The following OR4D11 variants were observed in gnomAD, a reference collection of about 807,000 sequenced individuals.
OR4D11 encodes olfactory receptor family 4 subfamily D member 11.
OR4D11 carries 11 observed loss-of-function variants against 11.7 expected under a neutral mutation model. The observed-to-expected ratio is 0.94, with a 90% confidence interval of 0.59 to 1.56. The LOEUF is 1.56. OR4D11 is among the 40% of genes most tolerant of loss of function. The probability of loss-of-function intolerance (pLI) is 0.00; values close to 1 mark genes in which losing one functional copy is unlikely to be tolerated. For missense variants in OR4D11, 384 were observed against 373.9 expected (o/e 1.03, Z -0.22); for synonymous variants, 165 against 150.0 (o/e 1.10, Z -0.73).
rs2134577908 is a variant in OR4D11 at position 59,504,248 on chromosome 11, C to T, written c.673C>T (p.Leu225=). The T allele has an allele frequency of 1.9e-6, 3 of 1,614,204 alleles. No homozygotes were observed. The highest frequency in any genetic ancestry group is 2.5e-6 in the Non-Finnish European group (3 of 1,180,036). Residue 225 remains leucine, a synonymous_variant, in exon 1 of 1, where the codon CTG becomes TTG. Coordinates refer to ENST00000313253, the MANE Select transcript of OR4D11 (RefSeq NM_001004706.1). Reference sequence around the variant, plus strand: ...GTCCTACACAGTCATCCTAATGACGCTGAGGTCTCAGGCAGGAGGGGGCAG... The same window carrying T: ...GTCCTACACAGTCATCCTAATGACGTTGAGGTCTCAGGCAGGAGGGGGCAG... ...LVSYTVILMT[L]RSQAGGGRRK... is the part of the protein sequence containing the mutation.
In OR4D11 at chr11:59,504,067, G is replaced by T; in HGVS notation, c.492G>T (p.Leu164=). 1 of 1,613,810 alleles carries T rather than the reference G, an allele frequency of 6.2e-7. No homozygotes were observed. Among genetic ancestry groups the T allele is most frequent in the South Asian group, 1.1e-5 (1 of 91,042 alleles). ...VHSIVQISLL[L]PLPFCGPNVL... ...CCATCGTGCAGATCTCCCTGTTGCTGCCTCTCCCTTTCTGTGGACCCAATG... is the reference window on the plus strand; with the variant it reads ...CCATCGTGCAGATCTCCCTGTTGCTTCCTCTCCCTTTCTGTGGACCCAATG... The change falls in exon 1 of 1, where the codon CTG becomes CTT. Residue 164 remains leucine, a synonymous_variant. Coordinates refer to ENST00000313253, the MANE Select transcript of OR4D11 (RefSeq NM_001004706.1).
chr11:59,504,317 A>G lies in OR4D11; in HGVS notation c.742A>G (p.Thr248Ala), dbSNP rs748622484. The G allele has an allele frequency of 1.2e-5, 19 of 1,613,864 alleles. No individual in the cohort carries two copies. The highest frequency in any genetic ancestry group is 1.5e-5 in the Non-Finnish European group (18 of 1,179,966). The change falls in exon 1 of 1, where the codon ACC becomes GCC. Residue 248 changes from threonine to alanine, a missense_variant. By Grantham distance (58) the Thr-to-Ala change is moderately conservative (BLOSUM62 0). Coordinates refer to ENST00000313253, the MANE Select transcript of OR4D11 (RefSeq NM_001004706.1). ...STCTSHITVV[T>A]LHFVPCIYVY... ...TTGCACCTCCCACATCACTGTGGTG[A>G]CCCTGCATTTTGTGCCCTGCATCTA...
Position 59,503,746 on chromosome 11 carries a change from C to T in OR4D11, c.171C>T (p.Thr57=). The T allele has an allele frequency of 1.2e-6, 2 of 1,613,862 alleles. No homozygotes were observed. Among genetic ancestry groups the T allele is most frequent in the South Asian group, 2.2e-5 (2 of 91,044 alleles). Residue 57 remains threonine, a synonymous_variant, in exon 1 of 1, where the codon ACC becomes ACT. Coordinates refer to ENST00000313253, the MANE Select transcript of OR4D11 (RefSeq NM_001004706.1). ...VTVTCESRLH[T]PMYFLLRNLA... is the part of the protein sequence containing the mutation. ...TGACCTGTGAGTCTCGCCTTCACAC[C>T]CCCATGTACTTCCTGCTCCGCAATC... is the stretch of plus-strand genomic sequence containing the variant.
Position 59,503,620 on chromosome 11 carries a change from G to T in OR4D11, c.45G>T (p.Leu15=). 1 of 1,559,872 alleles carries T rather than the reference G, an allele frequency of 6.4e-7. No individual in the cohort carries two copies. Among genetic ancestry groups the T allele is most frequent in the African/African-American group, 1.4e-5 (1 of 73,190 alleles). Residue 15 remains leucine, a synonymous_variant, in exon 1 of 1, where the codon CTG becomes CTT. Transcript: ENST00000313253. ...NVTRVKEFIF[L]GLTQSQDQSL... ...CCAGAGTAAAAGAATTTATATTTCT[G>T]GGACTTACTCAATCCCAAGACCAGA...
chr11:59,504,101 A>G lies in OR4D11; in HGVS notation c.526A>G (p.Thr176Ala). 1 of 1,614,162 alleles carries G rather than the reference A, an allele frequency of 6.2e-7. No individual in the cohort carries two copies. The highest frequency in any genetic ancestry group is 1.3e-5 in the African/African-American group (1 of 75,032). Residue 176 changes from threonine (T) to alanine (A), a missense_variant, in exon 1 of 1, where the codon ACT becomes GCT. Coordinates refer to ENST00000313253, the MANE Select transcript of OR4D11 (RefSeq NM_001004706.1). ...TTTCTGTGGACCCAATGTTCTTGAC[A>G]CTTTCTACTGCGATGTCCCCCAGGT... Reference protein sequence around the residue: ...LPFCGPNVLDTFYCDVPQVLK... With the variant: ...LPFCGPNVLDAFYCDVPQVLK...
At position 59,503,890 on chromosome 11, in the gene OR4D11, C is replaced by A. The variant is rs756333624; in HGVS notation, c.315C>A (p.His105Gln). The A allele has an allele frequency of 1.2e-6, 2 of 1,613,950 alleles. No individual in the cohort carries two copies. Among genetic ancestry groups the A allele is most frequent in the East Asian group, 2.2e-5 (1 of 44,878 alleles). ...GCATGACACAGATATTTCTCTTCCA[C>A]CTCCTTGGTGGGGCAGACATTTTTT... ...TSCMTQIFLF[H>Q]LLGGADIFSL... The change falls in exon 1 of 1, where the codon CAC (histidine) becomes CAA (glutamine). Residue 105 changes from histidine to glutamine, a missense_variant. By Grantham distance (24) the His-to-Gln change is conservative. Coordinates refer to ENST00000313253, the MANE Select transcript of OR4D11 (RefSeq NM_001004706.1).
chr11:59,503,671 T>C lies in OR4D11; in HGVS notation c.96T>C (p.Cys32=), dbSNP rs2134577161. ...GTTTGGTCTTGTTTCTTTTTTTATG[T>C]CTTGTGTACATGACGACTCTGCTGG... ...DQSLVLFLFL[C]LVYMTTLLGN... The change falls in exon 1 of 1, where the codon TGT becomes TGC. Residue 32 remains cysteine, a synonymous_variant. Coordinates refer to ENST00000313253, the MANE Select transcript of OR4D11 (RefSeq NM_001004706.1). 1 of 1,602,516 alleles carries C rather than the reference T, an allele frequency of 6.2e-7. No homozygotes were observed. Among genetic ancestry groups the C allele is most frequent in the Non-Finnish European group, 8.6e-7 (1 of 1,169,532 alleles).
In OR4D11 at chr11:59,504,219, T is replaced by C. The variant is rs776849590; in HGVS notation, c.644T>C (p.Leu215Pro). 3.1e-6 allele frequency: 5 copies of C among 1,614,212 alleles called. No individual in the cohort carries two copies. The highest frequency in any genetic ancestry group is 4.2e-6 in the Non-Finnish European group (5 of 1,180,032). ...ACTACCCTGTGGTTTATCTTCCTGC[T>C]TGTGTCCTACACAGTCATCCTAATG... ...LVTTLWFIFL[L>P]VSYTVILMTL... The change falls in exon 1 of 1, where the codon CTT becomes CCT. Residue 215 changes from leucine to proline, a missense_variant. Transcript: ENST00000313253.
In OR4D11 at chr11:59,504,122, C is replaced by T. The variant is rs758509200; in HGVS notation, c.547C>T (p.Gln183Ter). ...TGACACTTTCTACTGCGATGTCCCC[C>T]AGGTCCTCAAACTCACTTGCACTGA... ...VLDTFYCDVP[Q>*]VLKLTCTDTF... Residue 183 changes from glutamine to a stop codon, truncating the protein, a stop_gained, in exon 1 of 1, where the codon CAG (glutamine) becomes TAG (stop). Coordinates refer to ENST00000313253, the MANE Select transcript of OR4D11 (RefSeq NM_001004706.1). LOFTEE classifies it high-confidence loss of function. The T allele has an allele frequency of 1.2e-6, 2 of 1,614,182 alleles. No homozygotes were observed. Among genetic ancestry groups the T allele is most frequent in the Non-Finnish European group, 1.7e-6 (2 of 1,180,032 alleles).
At position 59,504,204 on chromosome 11, in the gene OR4D11, G is replaced by T. The variant is rs1368371778; in HGVS notation, c.629G>T (p.Trp210Leu). 1 of 1,614,150 alleles carries T rather than the reference G, an allele frequency of 6.2e-7. No homozygotes were observed. The highest frequency in any genetic ancestry group is 8.5e-7 in the Non-Finnish European group (1 of 1,180,028). The change falls in exon 1 of 1, where the codon TGG becomes TTG. Residue 210 changes from tryptophan to leucine, a missense_variant. Physicochemically the swap from Trp to Leu is moderately conservative, Grantham distance 61 (BLOSUM62 -2). Coordinates refer to ENST00000313253, the MANE Select transcript of OR4D11 (RefSeq NM_001004706.1). ...AACAATGGCCTGGTCACTACCCTGT[G>T]GTTTATCTTCCTGCTTGTGTCCTAC... ...ISNNGLVTTL[W>L]FIFLLVSYTV...
chr11:59,504,461 T>C lies in OR4D11; in HGVS notation c.886T>C (p.Ser296Pro), dbSNP rs1183836503. 6.2e-7 allele frequency: 1 copy of C among 1,614,004 alleles called. No individual in the cohort carries two copies. Among genetic ancestry groups the C allele is most frequent in the African/African-American group, 1.3e-5 (1 of 74,920 alleles). ...IYTLRNQEMK[S>P]AMRRLKRRLV... ...CACTCTGAGGAACCAGGAAATGAAG[T>C]CAGCCATGAGAAGACTGAAGAGAAG... is the stretch of plus-strand genomic sequence containing the variant. The change falls in exon 1 of 1, where the codon TCA becomes CCA. Residue 296 changes from serine (S) to proline (P), a missense_variant. Transcript: ENST00000313253.
chr11:59,504,319 C>A lies in OR4D11; in HGVS notation c.744C>A (p.Thr248=), dbSNP rs770133797. Reference sequence around the variant, plus strand: ...GCACCTCCCACATCACTGTGGTGACCCTGCATTTTGTGCCCTGCATCTATG... The same window carrying A: ...GCACCTCCCACATCACTGTGGTGACACTGCATTTTGTGCCCTGCATCTATG... ...STCTSHITVV[T]LHFVPCIYVY... The change falls in exon 1 of 1, where the codon ACC becomes ACA. Residue 248 remains threonine, a synonymous_variant. Transcript: ENST00000313253. The A allele has an allele frequency of 3.7e-6, 6 of 1,613,946 alleles. No individual in the cohort carries two copies. Among genetic ancestry groups the A allele is most frequent in the African/African-American group, 2.7e-5 (2 of 74,882 alleles).
In OR4D11 at chr11:59,504,474, G is replaced by A. The variant is rs150795777; in HGVS notation, c.899G>A (p.Arg300Lys). ...CAGGAAATGAAGTCAGCCATGAGAA[G>A]ACTGAAGAGAAGACTCGTGCCTTCT... is the stretch of plus-strand genomic sequence containing the variant. ...RNQEMKSAMR[R>K]LKRRLVPSER... Residue 300 changes from arginine (R) to lysine (K), a missense_variant, in exon 1 of 1, where the codon AGA becomes AAA. Arg to Lys is a conservative substitution (Grantham distance 26). Coordinates refer to ENST00000313253, the MANE Select transcript of OR4D11 (RefSeq NM_001004706.1). 4.6e-5 allele frequency: 74 copies of A among 1,614,030 alleles called. No individual in the cohort carries two copies. The African/African-American group carries it at 9.1e-4, about 20-fold the overall frequency.
Position 59,504,061 on chromosome 11 carries a change from G to C in OR4D11, c.486G>C (p.Leu162=), listed in dbSNP as rs758400536. ...TCCACTCCATCGTGCAGATCTCCCTGTTGCTGCCTCTCCCTTTCTGTGGAC... is the reference window on the plus strand; with the variant it reads ...TCCACTCCATCGTGCAGATCTCCCTCTTGCTGCCTCTCCCTTTCTGTGGAC... ...GFVHSIVQIS[L]LLPLPFCGPN... is the part of the protein sequence containing the mutation. Residue 162 remains leucine, a synonymous_variant, in exon 1 of 1, where the codon CTG becomes CTC. Coordinates refer to ENST00000313253, the MANE Select transcript of OR4D11 (RefSeq NM_001004706.1). 8 of 1,613,992 alleles carry C rather than the reference G, an allele frequency of 5.0e-6. No homozygotes were observed. In the South Asian group the frequency reaches 7.7e-5, roughly 16 times the overall value.
At position 59,503,719 on chromosome 11, in the gene OR4D11, C is replaced by T. The variant is rs1051019561; in HGVS notation, c.144C>T (p.Thr48=). The T allele has an allele frequency of 1.5e-5, 25 of 1,613,362 alleles. No homozygotes were observed. Among genetic ancestry groups the T allele is most frequent in the African/African-American group, 2.7e-5 (2 of 74,866 alleles). ...TGGGAAACCTCCTCATCATGGTCAC[C>T]GTGACCTGTGAGTCTCGCCTTCACA... The part of the protein sequence containing the change: ...TLLGNLLIMV[T]VTCESRLHTP... Residue 48 remains threonine (T), a synonymous_variant, in exon 1 of 1, where the codon ACC becomes ACT. Transcript: ENST00000313253.
chr11:59,504,150 C>A lies in OR4D11; in HGVS notation c.575C>A (p.Thr192Asn), dbSNP rs386352341. The A allele has an allele frequency of 8.1e-6, 13 of 1,614,150 alleles. No individual in the cohort carries two copies. The highest frequency in any genetic ancestry group is 1.3e-5 in the African/African-American group (1 of 75,066). ...GTCCTCAAACTCACTTGCACTGACACTTTTGCTCTTGAGTTCTTGATGATT... is the reference window on the plus strand; with the variant it reads ...GTCCTCAAACTCACTTGCACTGACAATTTTGCTCTTGAGTTCTTGATGATT... ...PQVLKLTCTDTFALEFLMISN... is the reference protein window; with the variant it reads ...PQVLKLTCTDNFALEFLMISN... Residue 192 changes from threonine (T) to asparagine (N), a missense_variant, in exon 1 of 1, where the codon ACT (threonine) becomes AAT (asparagine). Thr to Asn is a moderately conservative substitution (Grantham distance 65). Coordinates refer to ENST00000313253, the MANE Select transcript of OR4D11 (RefSeq NM_001004706.1).
At position 59,504,118 on chromosome 11, in the gene OR4D11, C is replaced by T. The variant is rs369520505; in HGVS notation, c.543C>T (p.Val181=). Reference sequence around the variant, plus strand: ...TTCTTGACACTTTCTACTGCGATGTCCCCCAGGTCCTCAAACTCACTTGCA... The same window carrying T: ...TTCTTGACACTTTCTACTGCGATGTTCCCCAGGTCCTCAAACTCACTTGCA... ...PNVLDTFYCD[V]PQVLKLTCTD... is the part of the protein sequence containing the mutation. The change falls in exon 1 of 1, where the codon GTC becomes GTT. Residue 181 remains valine (V), a synonymous_variant. Transcript: ENST00000313253. 6.2e-7 allele frequency: 1 copy of T among 1,614,158 alleles called. No individual in the cohort carries two copies. The highest frequency in any genetic ancestry group is 2.2e-5 in the East Asian group (1 of 44,880).
chr11:59,503,992 G>C lies in OR4D11; in HGVS notation c.417G>C (p.Gly139=), dbSNP rs778019187. ...PLHYVTIMSR[G]QCTALISASW... is the part of the protein sequence containing the mutation. ...ACTATGTGACCATCATGAGTAGAGGGCAATGCACTGCCCTCATCTCTGCCT... is the reference window on the plus strand; with the variant it reads ...ACTATGTGACCATCATGAGTAGAGGCCAATGCACTGCCCTCATCTCTGCCT... The change falls in exon 1 of 1, where the codon GGG becomes GGC. Residue 139 remains glycine, a synonymous_variant. Transcript: ENST00000313253. The C allele has an allele frequency of 1.1e-5, 18 of 1,613,982 alleles. No individual in the cohort carries two copies. The highest frequency in any genetic ancestry group is 1.5e-5 in the Non-Finnish European group (18 of 1,180,006).
In OR4D11 at chr11:59,503,779, C is replaced by G; in HGVS notation, c.204C>G (p.Ile68Met). ...PMYFLLRNLA[I>M]LDICFSSTTA... ...ACTTCCTGCTCCGCAATCTAGCCAT[C>G]CTTGACATCTGCTTCTCCTCCACAA... The change falls in exon 1 of 1, where the codon ATC becomes ATG. Residue 68 changes from isoleucine (I) to methionine (M), a missense_variant. Ile to Met is a conservative substitution (Grantham distance 10). Coordinates refer to ENST00000313253, the MANE Select transcript of OR4D11 (RefSeq NM_001004706.1). 2 of 1,613,438 alleles carry G rather than the reference C, an allele frequency of 1.2e-6. No individual in the cohort carries two copies. The highest frequency in any genetic ancestry group is 1.7e-6 in the Non-Finnish European group (2 of 1,179,382).
Sources: allele counts gnomAD v4.1 joint callset, GRCh38; gene constraint gnomAD v4.1.1; transcripts MANE v1.5; gene names NCBI Gene and HGNC (gene_info 2026-07-23, HGNC 2026-07-21).